ST6GALNAC5: variants seen among roughly 807,000 people sequenced by gnomAD.
ST6GALNAC5 encodes ST6 N-acetylgalactosaminide alpha-2,6-sialyltransferase 5.
Under a neutral mutation model 33.6 loss-of-function variants are expected in ST6GALNAC5, and 27 were observed. That is an observed-to-expected ratio of 0.80 (90% CI 0.59 to 1.11). ST6GALNAC5 has a LOEUF of 1.11. Ranked by LOEUF, ST6GALNAC5 falls within the 50% of genes least tolerant of loss-of-function variation. ST6GALNAC5 has a pLI of 0.00. For missense variants in ST6GALNAC5, 428 were observed against 454.0 expected (o/e 0.94, Z 0.52); for synonymous variants, 194 against 171.2 (o/e 1.13, Z -1.04).
chr1:77,040,904 C>CTCTAA (rs1210277568), intron 2 of ST6GALNAC5, among the ~76,000 whole-genome samples: 1 of 152,190 alleles, frequency 6.6e-6, no homozygotes, highest in Non-Finnish European at 1.5e-5. Context: ...CAGTGAAGGT[C>CTCTAA]TTTAGAATGA....
intron 2 of ST6GALNAC5, among the ~76,000 whole-genome samples, chr1:76,955,017 C>G (rs1414496348): frequency 1.3e-5 from 2 of 152,012 alleles, no homozygotes; most frequent in Non-Finnish European, 2.9e-5. Context: ...GATTTTTGCC[C>G]TCAAAGAGTT....
intron 2 of ST6GALNAC5, among the ~76,000 whole-genome samples, chr1:77,038,353 C>A (rs1651726136): frequency 6.6e-6 from 1 of 152,176 alleles, no homozygotes; most frequent in East Asian, 1.9e-4. Context: ...CTGAGATTGA[C>A]AGCTAATAAA....
intron 2 of ST6GALNAC5, among the ~76,000 whole-genome samples, chr1:76,964,954 T>G (rs1648397234): frequency 6.6e-6 from 1 of 152,214 alleles, no homozygotes; most frequent in Non-Finnish European, 1.5e-5. Flanking sequence ...TTTTTATGGC[T>G]GCATAGTATT....
At chr1:76,991,838 C>T (rs983924908) in intron 2 of ST6GALNAC5, among the ~76,000 whole-genome samples, 22 of 116,824 alleles carry the variant, frequency 1.9e-4, no homozygotes, top group East Asian at 5.3e-4. Context: ...CACGCGTGTG[C>T]GCACACACAC....
intron 4 of ST6GALNAC5, among the ~76,000 whole-genome samples, chr1:77,052,546 A>G (rs954850030): frequency 6.6e-6 from 1 of 150,920 alleles, no homozygotes; most frequent in African/African-American, 2.4e-5. Flanking sequence ...GAGTATCAAT[A>G]TCATTAATAT....
rs982180054 is a variant in ST6GALNAC5 at position 76,868,305 on chromosome 1, G to A, written c.16-192G>A. 3.3e-5 allele frequency among the ~76,000 whole-genome samples: 5 copies of A among 151,942 alleles called. No individual in the cohort carries two copies. Among genetic ancestry groups the A allele is most frequent in the Admixed American group, 1.3e-4 (2 of 15,278 alleles). On this transcript the variant is annotated intron_variant, in intron 1 of 4. Transcript: ENST00000477717. The surrounding 1 kb of genome is among the most constrained non-coding windows in gnomAD (Gnocchi z 4.3). ...CGGCGGCGGCCGAAAGCAGCGACGC[G>A]CCCGGAGCATCCCTTGCGATACGCT... is the stretch of plus-strand genomic sequence containing the variant.
At chr1:77,060,239 A>G (rs574017980) in intron 4 of ST6GALNAC5, 1 of 152,320 alleles carries the variant, frequency 6.6e-6, no homozygotes, top group African/African-American at 2.4e-5. Context: ...CCCAGCCCGC[A>G]TATCCTTTCC....
At chr1:76,955,480 T>C (rs139359414) in intron 2 of ST6GALNAC5, among the ~76,000 whole-genome samples, 1 of 152,298 alleles carries the variant, frequency 6.6e-6, no homozygotes, top group Non-Finnish European at 1.5e-5. Context: ...ATTTTAATAA[T>C]GTTTTTCTGT....
intron 2 of ST6GALNAC5, among the ~76,000 whole-genome samples, chr1:76,913,420 T>C (rs1157604702): frequency 6.6e-6 from 1 of 151,636 alleles, no homozygotes; most frequent in Non-Finnish European, 1.5e-5. Context: ...TCTCAAGGAG[T>C]ATCTTTGTGG....
At chr1:76,921,856 C>T (rs1299297469) in intron 2 of ST6GALNAC5, among the ~76,000 whole-genome samples, 1 of 151,898 alleles carries the variant, frequency 6.6e-6, no homozygotes, top group African/African-American at 2.4e-5. Context: ...AGGGAACCTA[C>T]TCAACTTGAT....
chr1:76,980,960 A>C (rs1649224539), intron 2 of ST6GALNAC5, among the ~76,000 whole-genome samples: 1 of 152,248 alleles, frequency 6.6e-6, no homozygotes, highest in Non-Finnish European at 1.5e-5. Context: ...AAATTTTAAC[A>C]AGTCATATAT....
intron 2 of ST6GALNAC5, among the ~76,000 whole-genome samples, chr1:76,945,441 A>G (rs1432176705): frequency 6.6e-6 from 1 of 152,124 alleles, no homozygotes; most frequent in African/African-American, 2.4e-5. Flanking sequence ...ACGATGAACC[A>G]AAGTCATAAA....
At chr1:76,991,595 A>G (rs111880357) in intron 2 of ST6GALNAC5, among the ~76,000 whole-genome samples, 1,658 of 152,206 alleles carry the variant, frequency 0.011, 32 homozygotes, top group African/African-American at 0.038. Flanking sequence ...CTCCTCTGCT[A>G]ATTCTACTCC....
intron 2 of ST6GALNAC5, among the ~76,000 whole-genome samples, chr1:76,906,042 A>T (rs1646861605): frequency 6.6e-6 from 1 of 152,208 alleles, no homozygotes; most frequent in South Asian, 2.1e-4. Flanking sequence ...TCTTGTCTTA[A>T]AAAGCATCAT....
At chr1:77,050,460 G>A in intron 4 of ST6GALNAC5, 95 bp downstream of exon 4, 1 of 1,203,686 alleles carries the variant, frequency 8.3e-7, no homozygotes, top group Non-Finnish European at 1.2e-6. Flanking sequence ...ATGTCTAACT[G>A]TCTTCTTGAA....
At chr1:77,061,810 C>G (rs1003155341) in intron 4 of ST6GALNAC5, among the ~76,000 whole-genome samples, 1 of 152,160 alleles carries the variant, frequency 6.6e-6, no homozygotes, top group African/African-American at 2.4e-5. Context: ...ATCCTATGCA[C>G]ACCATCTTGA....
intron 2 of ST6GALNAC5, among the ~76,000 whole-genome samples, chr1:77,009,723 G>A (rs1013796152): frequency 1.3e-4 from 20 of 152,094 alleles, no homozygotes; most frequent in African/African-American, 3.1e-4. Flanking sequence ...TGTTATAGGC[G>A]ATCTTTCTCC....
chr1:76,912,407 T>A (rs1646923667), intron 2 of ST6GALNAC5, among the ~76,000 whole-genome samples: 1 of 152,084 alleles, frequency 6.6e-6, no homozygotes, highest in African/African-American at 2.4e-5. Flanking sequence ...TTCTGTTGAT[T>A]TGGGGTGGAG....
intron 4 of ST6GALNAC5, among the ~76,000 whole-genome samples, chr1:77,058,003 G>T (rs549505640): frequency 6.6e-6 from 1 of 152,178 alleles, no homozygotes; most frequent in Non-Finnish European, 1.5e-5. Flanking sequence ...CACCACACAT[G>T]GGGCTCCTCT....
Sources: gnomAD v4.1 joint callset for allele counts (sites outside exome capture counted in the v4.1 genomes callset) on GRCh38, gnomAD v4.1.1 for gene constraint, Gnocchi (gnomAD v3.1) non-coding constraint, MANE v1.5 for transcripts, NCBI Gene and HGNC (gene_info 2026-07-23, HGNC 2026-07-21) for gene names.